Variants in CNDP1 observed in about 807,000 individuals in gnomAD.
The protein encoded by CNDP1 is beta-Ala-His dipeptidase.
In CNDP1, 44 loss-of-function variants were observed where a neutral mutation model predicts 58.1. That is an observed-to-expected ratio of 0.76 (90% CI 0.60 to 0.97). CNDP1 has a LOEUF of 0.97. CNDP1 is among the 50% of genes least tolerant of loss of function. The pLI is 0.00. For synonymous variants in CNDP1, 254 were observed against 252.6 expected, an observed-to-expected ratio of 1.01 and a Z score of -0.05; for missense variants, 616 against 655.1, an observed-to-expected ratio of 0.94 and a Z score of 0.65.
rs1981140181 is a variant in CNDP1, at chr18:74,559,799, TC to T, written c.303+329del. 5.3e-5 allele frequency among the ~76,000 whole-genome samples: 8 copies of T among 152,260 alleles called. No homozygotes were observed. In the South Asian group the frequency reaches 1.5e-3, roughly 28 times the overall value. On this transcript the variant is annotated intron_variant, in intron 3 of 11. Transcript: ENST00000358821. ...TTCTCCTTTAAGGAAAAGGAAATTG[TC>T]CTTTTCTTTAAATTCATATGCATCT...
In CNDP1 at chr18:74,572,933, A is replaced by G. The variant is rs373551852; in HGVS notation, c.841+1663A>G. On this transcript the variant is annotated intron_variant, in intron 7 of 11. Coordinates refer to ENST00000358821, the MANE Select transcript of CNDP1 (RefSeq NM_032649.6). Reference sequence around the variant, plus strand: ...TCCCTTGGCCTCAGTAGTCCAGGCCATGGTACAATCAGCCCAGATGGCCCA... The same window carrying G: ...TCCCTTGGCCTCAGTAGTCCAGGCCGTGGTACAATCAGCCCAGATGGCCCA... Among the ~76,000 whole-genome samples the G allele has an allele frequency of 7.9e-5, 12 of 152,192 alleles. No homozygotes were observed. In the East Asian group the frequency reaches 1.9e-3, roughly 24 times the overall value.
At chr18:74,571,087 C>A in intron 6 of CNDP1, 99 bp from the exon 7 acceptor site, 2 of 768,924 alleles carry the variant, frequency 2.6e-6, no homozygotes, top group Non-Finnish European at 2.2e-6. Flanking sequence ...TACCTGAGTT[C>A]TGAGGGACAC....
chr18:74,564,065 T>C (rs971875975), intron 5 of CNDP1, among the ~76,000 whole-genome samples: 7 of 152,238 alleles, frequency 4.6e-5, no homozygotes, highest in South Asian at 4.1e-4. Flanking sequence ...CTTATCCAAC[T>C]GAATGACTGA....
At chr18:74,584,418 C>A in intron 11 of CNDP1, 78 bp from the exon 12 acceptor site, 3 of 983,760 alleles carry the variant, frequency 3.0e-6, no homozygotes, top group Non-Finnish European at 4.9e-6. Flanking sequence ...ATCTTCCTGT[C>A]TAAATGACAG....
At chr18:74,537,153 TC>T (rs1980505343) in intron 1 of CNDP1, among the ~76,000 whole-genome samples, 1 of 152,258 alleles carries the variant, frequency 6.6e-6, no homozygotes, top group South Asian at 2.1e-4. Context: ...ATTCTATTTG[TC>T]AATTTTTGCT....
Position 74,571,681 on chromosome 18 carries a change from C to T in CNDP1, c.841+411C>T, listed in dbSNP as rs74604183. Among the ~76,000 whole-genome samples, 676 of 152,288 alleles carry T rather than the reference C, an allele frequency of 4.4e-3. 5 individuals are homozygous for T. Among genetic ancestry groups the T allele is most frequent in the African/African-American group, 0.015 (625 of 41,554 alleles). ...CAGTAGACCTGGCATGACTTTTTGA[C>T]TGAAGATAAATCAACAAAGGGATGA... On this transcript the variant is annotated intron_variant, in intron 7 of 11. Coordinates refer to ENST00000358821, the MANE Select transcript of CNDP1 (RefSeq NM_032649.6).
intron 1 of CNDP1, among the ~76,000 whole-genome samples, chr18:74,539,562 C>T (rs997428780): frequency 2.0e-5 from 3 of 152,196 alleles, no homozygotes; most frequent in Non-Finnish European, 2.9e-5. Flanking sequence ...AGGATTCCTC[C>T]GACCAAACTC....
At chr18:74,560,007 A>ACTCTT (rs1981144915) in intron 3 of CNDP1, among the ~76,000 whole-genome samples, 1 of 51,142 alleles carries the variant, frequency 2.0e-5, no homozygotes, top group South Asian at 6.4e-4. Flanking sequence ...TGTCATCTGC[A>ACTCTT]TTCTTTTTTT....
At chr18:74,551,548 G>A (rs959066647) in intron 1 of CNDP1, among the ~76,000 whole-genome samples, 4 of 152,110 alleles carry the variant, frequency 2.6e-5, no homozygotes, top group East Asian at 3.9e-4. Flanking sequence ...TGGGGAAAAG[G>A]GAGGGAGAGG....
chr18:74,546,519 G>C (rs1348677784), intron 1 of CNDP1, among the ~76,000 whole-genome samples: 1 of 152,052 alleles, frequency 6.6e-6, no homozygotes, highest in Non-Finnish European at 1.5e-5. Flanking sequence ...CCCTTAAGGT[G>C]CTTGGTAGGT....
chr18:74,574,303 G>A (rs777795577), intron 7 of CNDP1, among the ~76,000 whole-genome samples: 5 of 152,242 alleles, frequency 3.3e-5, no homozygotes, highest in Non-Finnish European at 5.9e-5. Context: ...TTAGTTCCCT[G>A]TCTGAAAAGG....
rs1599091995 is a variant in CNDP1 at position 74,556,438 on chromosome 18, T to C, written c.125T>C (p.Ile42Thr). The change falls in exon 2 of 12, where the codon ATT becomes ACT. Residue 42 changes from isoleucine to threonine, a missense_variant. Transcript: ENST00000358821. Reference protein sequence around the residue: ...PALLEKVFQYIDLHQDEFVQT... With the variant: ...PALLEKVFQYTDLHQDEFVQT... ...CTGTTAGAGAAAGTCTTCCAGTACATTGACCTCCATCAGGATGAATTTGTG... is the reference window on the plus strand; with the variant it reads ...CTGTTAGAGAAAGTCTTCCAGTACACTGACCTCCATCAGGATGAATTTGTG... 2 of 1,614,208 alleles carry C rather than the reference T, an allele frequency of 1.2e-6. No homozygotes were observed. The highest frequency in any genetic ancestry group is 2.2e-5 in the East Asian group (1 of 44,884).
chr18:74,544,525 A>G (rs1190621119), intron 1 of CNDP1, among the ~76,000 whole-genome samples: 1 of 151,954 alleles, frequency 6.6e-6, no homozygotes, highest in Non-Finnish European at 1.5e-5. Context: ...GAGACCAGCC[A>G]GGCCAACATG....
chr18:74,558,296 G>A lies in CNDP1; in HGVS notation c.154-1027G>A, dbSNP rs1052875263. Reference sequence around the variant, plus strand: ...TTATCAGTCATTCATACCAGCCAGCGCTGCTGGAGTGGCTGCCAGGTGCTG... The same window carrying A: ...TTATCAGTCATTCATACCAGCCAGCACTGCTGGAGTGGCTGCCAGGTGCTG... On this transcript the variant is annotated intron_variant, in intron 2 of 11. Transcript: ENST00000358821. Among the ~76,000 whole-genome samples the A allele has an allele frequency of 9.2e-5, 14 of 152,196 alleles. No individual in the cohort carries two copies. In the South Asian group the frequency reaches 1.0e-3, roughly 11 times the overall value.
chr18:74,538,164 A>G (rs1399510617), intron 1 of CNDP1, among the ~76,000 whole-genome samples: 1 of 152,198 alleles, frequency 6.6e-6, no homozygotes, highest in African/African-American at 2.4e-5. Context: ...AAAGAAACCC[A>G]TACCCTTTAG....
At chr18:74,580,686 G>T (rs1981767062) in intron 10 of CNDP1, among the ~76,000 whole-genome samples, 1 of 152,112 alleles carries the variant, frequency 6.6e-6, no homozygotes, top group South Asian at 2.1e-4. Flanking sequence ...ACACAGATTA[G>T]CCCAGGTGTG....
In CNDP1 at chr18:74,578,278, T is replaced by G. The variant is rs752558935; in HGVS notation, c.1118T>G (p.Phe373Cys). The change falls in exon 9 of 12, where the codon TTT becomes TGT. Residue 373 changes from phenylalanine (F) to cysteine (C), a missense_variant. Transcript: ENST00000358821. The stretch of plus-strand genomic sequence containing the variant: ...ATACCTGGCCGAGTTATAGGAAAAT[T>G]TTCAATCCGTCTAGTCCCTCACATG... ...TVIPGRVIGK[F>C]SIRLVPHMNV... 1 of 1,614,022 alleles carries G rather than the reference T, an allele frequency of 6.2e-7. No individual in the cohort carries two copies. The highest frequency in any genetic ancestry group is 1.1e-5 in the South Asian group (1 of 91,058).
chr18:74,567,079 G>A, intron 5 of CNDP1, 154 bp from the exon 6 acceptor site: 1 of 640,544 alleles, frequency 1.6e-6, no homozygotes, highest in Non-Finnish European at 2.8e-6. Context: ...AATAGCACAG[G>A]AAAGACTGGC....
At chr18:74,535,538 AAG>A (rs1568288853) in intron 1 of CNDP1, among the ~76,000 whole-genome samples, 2 of 145,116 alleles carry the variant, frequency 1.4e-5, no homozygotes, top group Admixed American at 1.4e-4. Flanking sequence ...CTCTGAGAGA[AAG>A]AACCTCACCC....
Sources: gnomAD v4.1 joint callset for allele counts (sites outside exome capture counted in the v4.1 genomes callset) on GRCh38, gnomAD v4.1.1 for gene constraint, MANE v1.5 for transcripts, NCBI Gene and HGNC (gene_info 2026-07-23, HGNC 2026-07-21) for gene names.